PDE6B: variants seen among roughly 807,000 people sequenced by gnomAD.
PDE6B encodes the protein phosphodiesterase 6B.
PDE6B carries 106 observed loss-of-function variants against 109.0 expected under a neutral mutation model. That is an observed-to-expected ratio of 0.97 (90% CI 0.83 to 1.14). The LOEUF (loss-of-function observed/expected upper bound fraction) is 1.14. PDE6B is among the 50% of genes most tolerant of loss of function. The pLI, the probability that PDE6B is intolerant of heterozygous loss-of-function variation, is 0.00. For synonymous variants in PDE6B, 490 were observed against 471.3 expected (o/e 1.04, Z -0.51); for missense variants, 1,193 against 1,155.6 (o/e 1.03, Z -0.47).
At chr4:656,079 C>T in intron 7 of PDE6B, 73 bp downstream of exon 7, 2 of 1,107,158 alleles carry the variant, frequency 1.8e-6, no homozygotes, top group Non-Finnish European at 1.4e-6. Flanking sequence ...TTCTCCTTGT[C>T]TCTGCCACGT....
chr4:670,072 C>G lies in PDE6B; in HGVS notation c.2530C>G (p.Pro844Ala), dbSNP rs1199565925. 6.2e-7 allele frequency: 1 copy of G among 1,613,166 alleles called. No individual in the cohort carries two copies. Among genetic ancestry groups the G allele is most frequent in the South Asian group, 1.1e-5 (1 of 91,074 alleles). Reference sequence around the variant, plus strand: ...AGGCACAGAAATTTGCAATGGCGGCCCAGCACCCAAGTCTTCAACCTGCTG... The same window carrying G: ...AGGCACAGAAATTTGCAATGGCGGCGCAGCACCCAAGTCTTCAACCTGCTG... ...KVGTEICNGG[P>A]APKSSTCCIL The change falls in exon 22 of 22, where the codon CCA (proline) becomes GCA (alanine). Residue 844 changes from proline (P) to alanine (A), a missense_variant. Physicochemically the swap from Pro to Ala is conservative, Grantham distance 27. Transcript: ENST00000496514.
Position 670,292 on chromosome 4 carries a change from G to GA in PDE6B, c.*186dup. ...GAGTCTTGCTCTGTCACCCAGGCTGGAGTGCCGTGGCACGATCTCAGCTCA... is the reference window on the plus strand; with the variant it reads ...GAGTCTTGCTCTGTCACCCAGGCTGGAAGTGCCGTGGCACGATCTCAGCTCA... On this transcript the variant is annotated 3_prime_UTR_variant, in exon 22 of 22. Transcript: ENST00000496514. 1.2e-6 allele frequency: 1 copy of GA among 804,168 alleles called. No homozygotes were observed. Among genetic ancestry groups the GA allele is most frequent in the East Asian group, 3.3e-5 (1 of 30,606 alleles). The allele number at this position is 804,168 out of a possible 1,614,324, so 49.8% of individuals were successfully genotyped here. A position where few individuals can be genotyped will look rare whatever the true frequency, so the allele number is the denominator to read the frequency against.
chr4:637,637 C>T (rs1734754164), intron 3 of PDE6B, among the ~76,000 whole-genome samples: 2 of 152,232 alleles, frequency 1.3e-5, no homozygotes, highest in African/African-American at 4.8e-5. Flanking sequence ...TAACAGGAGC[C>T]GCGGCCTGGG....
rs998882422 is a variant in PDE6B at position 663,764 on chromosome 4, CCG to C, written c.1921-4_1921-3del. The C allele has an allele frequency of 6.2e-7, 1 of 1,609,860 alleles. No individual in the cohort carries two copies. Among genetic ancestry groups the C allele is most frequent in the Non-Finnish European group, 8.5e-7 (1 of 1,177,398 alleles). The stretch of plus-strand genomic sequence containing the variant: ...GCGCCTGACGCGCTGGGCATAACCT[CCG>C]CAGACCCTGAACATCTACCAGAACC... On this transcript the variant is annotated splice_region_variant and splice_polypyrimidine_tract_variant and intron_variant, in intron 15 of 21. Transcript: ENST00000496514. The surrounding 1 kb of genome is among the most constrained non-coding windows in gnomAD (Gnocchi z 4.0).
chr4:667,776 G>A, intron 20 of PDE6B, 80 bp from the exon 21 acceptor site: 1 of 1,465,240 alleles, frequency 6.8e-7, no homozygotes, highest in Non-Finnish European at 9.5e-7. Flanking sequence ...CCTACGAGGG[G>A]GATGAGCTGG....
At chr4:649,698 G>A (rs748096890) in intron 3 of PDE6B, among the ~76,000 whole-genome samples, 4 of 151,958 alleles carry the variant, frequency 2.6e-5, no homozygotes, top group South Asian at 2.1e-4. Flanking sequence ...GGTTGGGACC[G>A]CGTAGGCCTG....
intron 20 of PDE6B, among the ~76,000 whole-genome samples, chr4:667,428 C>T (rs980354591): frequency 6.6e-6 from 1 of 152,164 alleles, no homozygotes; most frequent in Non-Finnish European, 1.5e-5. Context: ...CCCCACCCCG[C>T]CACACTCCAT....
Position 666,460 on chromosome 4 carries a change from G to C in PDE6B, c.2269-71G>C. On this transcript the variant is annotated intron_variant, in intron 19 of 21. Transcript: ENST00000496514. This position sits in a 1 kb window ranked among gnomAD's most constrained non-coding sequence, Gnocchi z 5.6. ...ATGAGCACATCTGAGTGAGGGGGTC[G>C]GGGGGCTGGGCGGGGCCCCAGGAGC... 3 of 970,818 alleles carry C rather than the reference G, an allele frequency of 3.1e-6. No individual in the cohort carries two copies. In the South Asian group the frequency reaches 3.8e-5, roughly 12 times the overall value. 60.1% of individuals were successfully genotyped at this position (970,818 alleles called of 1,614,324 possible).
intron 1 of PDE6B, among the ~76,000 whole-genome samples, chr4:628,274 G>C (rs570934053): frequency 2.0e-5 from 3 of 152,194 alleles, no homozygotes; most frequent in African/African-American, 4.8e-5. Flanking sequence ...CAGAAGGGGG[G>C]ACTGAGGCAG....
At position 626,352 on chromosome 4, in the gene PDE6B, G is replaced by A. The variant is rs553072384; in HGVS notation, c.468+258G>A. On this transcript the variant is annotated intron_variant, in intron 1 of 21. Transcript: ENST00000496514. This position sits in a 1 kb window ranked among gnomAD's most constrained non-coding sequence, Gnocchi z 4.6. ...GGTTAGACCTGAGTCTAGGAGCCTC[G>A]GCTGAAGCAGACTCAGGCTCAAACC... Among the ~76,000 whole-genome samples, 6 of 152,310 alleles carry A rather than the reference G, an allele frequency of 3.9e-5. No individual in the cohort carries two copies. In the East Asian group the frequency reaches 7.7e-4, roughly 20 times the overall value.
intron 3 of PDE6B, among the ~76,000 whole-genome samples, chr4:637,423 G>A (rs551998743): frequency 6.6e-6 from 1 of 152,238 alleles, no homozygotes; most frequent in East Asian, 1.9e-4. Flanking sequence ...GTTTCACCAT[G>A]TTGGCCAGGC....
rs61733857 is a variant in PDE6B, at chr4:670,068, C to G, written c.2526C>G (p.Gly842=). Reference sequence around the variant, plus strand: ...CAGTAGGCACAGAAATTTGCAATGGCGGCCCAGCACCCAAGTCTTCAACCT... The same window carrying G: ...CAGTAGGCACAGAAATTTGCAATGGGGGCCCAGCACCCAAGTCTTCAACCT... The part of the protein sequence containing the change: ...AKKVGTEICN[G]GPAPKSSTCC... Residue 842 remains glycine, a synonymous_variant, in exon 22 of 22, where the codon GGC becomes GGG. Transcript: ENST00000496514. 4 of 1,612,792 alleles carry G rather than the reference C, an allele frequency of 2.5e-6. No homozygotes were observed. The Admixed American group carries it at 6.7e-5, about 27-fold the overall frequency.
Position 659,098 on chromosome 4 carries a change from C to T in PDE6B, c.1467+81C>T, listed in dbSNP as rs1736719201. The T allele has an allele frequency of 2.9e-6, 3 of 1,042,000 alleles. No individual in the cohort carries two copies. In the South Asian group the frequency reaches 3.8e-5, roughly 13 times the overall value. 64.5% of individuals were successfully genotyped at this position (1,042,000 alleles called of 1,614,324 possible). A position where few individuals can be genotyped will look rare whatever the true frequency, so the allele number is the denominator to read the frequency against. On this transcript the variant is annotated intron_variant, in intron 11 of 21. Transcript: ENST00000496514. ...GGAAGAGTTCTGCATTCTCCGGGAC[C>T]CGACGGTGCTTTGCACACACGGTCA...
At position 670,682 on chromosome 4, in the gene PDE6B, CAT is replaced by C. The variant is rs1379309069; in HGVS notation, c.*578_*579del. 6.0e-6 allele frequency: 1 copy of C among 167,154 alleles called. No individual in the cohort carries two copies. The highest frequency in any genetic ancestry group is 2.4e-5 in the African/African-American group (1 of 41,596). 10.4% of individuals were successfully genotyped at this position (167,154 alleles called of 1,614,324 possible). A position where few individuals can be genotyped will look rare whatever the true frequency, so the allele number is the denominator to read the frequency against. On this transcript the variant is annotated 3_prime_UTR_variant, in exon 22 of 22. Coordinates refer to ENST00000496514, the MANE Select transcript of PDE6B (RefSeq NM_000283.4). ...GAGAACATTTGCAGCCACACATGTA[CAT>C]ATGTGTACACAGGTAGACAGATGGA...
rs35792756 is a variant in PDE6B, at chr4:666,593, C to T, written c.2331C>T (p.Phe777=). The change falls in exon 20 of 22, where the codon TTC becomes TTT. Residue 777 remains phenylalanine (F), a synonymous_variant. Transcript: ENST00000496514. This position sits in a 1 kb window ranked among gnomAD's most constrained non-coding sequence, Gnocchi z 5.6. ...LPKLQVGFID[F]VCTFVYKEFS... ...AGCTGCAAGTGGGCTTCATCGACTT[C>T]GTGTGCACATTCGTGTACAAGGCGA... 2,833 of 1,611,688 alleles carry T rather than the reference C, an allele frequency of 1.8e-3. 47 individuals are homozygous for T. In the African/African-American group the frequency reaches 0.033, roughly 19 times the overall value.
intron 17 of PDE6B, 98 bp from the exon 18 acceptor site, chr4:664,783 G>A (rs1737591750): frequency 2.1e-6 from 2 of 942,276 alleles, no homozygotes; most frequent in East Asian, 2.4e-5. Flanking sequence ...TCCAGCCTGG[G>A]CAACAGAGCA....
rs773227731 is a variant in PDE6B at position 655,951 on chromosome 4, C to G, written c.1004C>G (p.Ala335Gly). ...EEIKVIPTPS[A>G]DHWALASGLP... ...CTCTCTGCCCACAGCACACCCTCAG[C>G]CGATCACTGGGCCCTGGCCAGCGGC... is the stretch of plus-strand genomic sequence containing the variant. Residue 335 changes from alanine (A) to glycine (G), a missense_variant, in exon 7 of 22, where the codon GCC (alanine) becomes GGC (glycine). By Grantham distance (60) the Ala-to-Gly change is moderately conservative. Transcript: ENST00000496514. The G allele has an allele frequency of 6.2e-7, 1 of 1,608,782 alleles. No homozygotes were observed. The highest frequency in any genetic ancestry group is 1.1e-5 in the South Asian group (1 of 91,000).
chr4:634,889 G>A, intron 2 of PDE6B, 60 bp downstream of exon 2: 1 of 1,470,080 alleles, frequency 6.8e-7, no homozygotes, highest in Non-Finnish European at 9.5e-7. Context: ...CTGCCCGCCC[G>A]CCTGTTCTGT....
chr4:662,591 G>A lies in PDE6B; in HGVS notation c.1805G>A (p.Arg602His), dbSNP rs752846577. 304 of 1,611,512 alleles carry A rather than the reference G, an allele frequency of 1.9e-4. No individual in the cohort carries two copies. The highest frequency in any genetic ancestry group is 2.3e-4 in the Non-Finnish European group (275 of 1,178,522). ...GGCCTGTGCCATGACATCGACCACC[G>A]CGGCACCAACAACCTGTACCAGATG... ...TAGLCHDIDH[R>H]GTNNLYQMKS... The change falls in exon 14 of 22, where the codon CGC (arginine) becomes CAC (histidine). Residue 602 changes from arginine (R) to histidine (H), a missense_variant. By Grantham distance (29) the Arg-to-His change is conservative (BLOSUM62 0). Coordinates refer to ENST00000496514, the MANE Select transcript of PDE6B (RefSeq NM_000283.4). The surrounding 1 kb of genome is among the most constrained non-coding windows in gnomAD (Gnocchi z 4.3).
Sources: allele counts gnomAD v4.1 joint callset (sites outside exome capture counted in the v4.1 genomes callset), GRCh38; gene constraint gnomAD v4.1.1; non-coding constraint Gnocchi (gnomAD v3.1); transcripts MANE v1.5; gene names NCBI Gene and HGNC (gene_info 2026-07-23, HGNC 2026-07-21).